THAP3: variants seen among roughly 807,000 people sequenced by gnomAD.
THAP3 encodes THAP domain-containing protein 3.
Under a neutral mutation model 17.7 loss-of-function variants are expected in THAP3, and 12 were observed. The ratio of observed to expected loss-of-function variants is 0.68; its 90% confidence interval spans 0.43 to 1.10. The LOEUF (loss-of-function observed/expected upper bound fraction) is 1.10. THAP3 is among the 50% of genes least tolerant of loss of function. The pLI, the probability that THAP3 is intolerant of heterozygous loss-of-function variation, is 0.00. For missense variants in THAP3, 289 were observed against 318.0 expected (o/e 0.91, Z 0.69); for synonymous variants, 133 against 126.9 (o/e 1.05, Z -0.32).
At chr1:6,629,404 C>G (rs536087468) in intron 3 of THAP3, among the ~76,000 whole-genome samples, 126 of 152,308 alleles carry the variant, frequency 8.3e-4, no homozygotes, top group African/African-American at 2.8e-3. Context: ...CAAACACGCC[C>G]AGAGCGGCCG....
rs35349874 is a variant in THAP3, at chr1:6,632,046, C to CAA, written c.334-327_334-326dup. On this transcript the variant is annotated intron_variant, in intron 4 of 5. Transcript: ENST00000054650. ...TGGGTGACAGAGTTAGATTCCGTCT[C>CAA]AAAAAAAAAAAAAAAAAAATTTAGC... Among the ~76,000 whole-genome samples the CAA allele has an allele frequency of 3.0e-3, 335 of 111,268 alleles. 1 individual carries two copies. The highest frequency in any genetic ancestry group is 5.3e-3 in the African/African-American group (149 of 28,032). The allele number at this position is 111,268 out of a possible 152,430, so 73.0% of individuals were successfully genotyped here.
intron 3 of THAP3, among the ~76,000 whole-genome samples, 167 bp from the exon 4 acceptor site, chr1:6,630,121 C>T (rs149487656): frequency 2.6e-5 from 4 of 152,342 alleles, no homozygotes; most frequent in African/African-American, 7.2e-5. Context: ...GCGCACCAAG[C>T]GGGCAGTGTG....
rs1557459326 is a variant in THAP3, at chr1:6,633,313, T to C, written c.*236T>C. On this transcript the variant is annotated 3_prime_UTR_variant, in exon 6 of 6. Transcript: ENST00000054650. ...ATCTGTGAGCATGACAAGCTTATCC[T>C]CCCATGGTAACAGAAGTCCAGGCTG... 2.3e-5 allele frequency: 32 copies of C among 1,401,624 alleles called. No homozygotes were observed. The South Asian group carries it at 4.4e-4, about 19-fold the overall frequency. The allele number at this position is 1,401,624 out of a possible 1,614,324, so 86.8% of individuals were successfully genotyped here.
rs1641429896 is a variant in THAP3 at position 6,625,232 on chromosome 1, G to T, written c.14G>T (p.Cys5Phe). The T allele has an allele frequency of 2.6e-6, 4 of 1,543,674 alleles. No individual in the cohort carries two copies. The highest frequency in any genetic ancestry group is 5.0e-5 in the East Asian group (2 of 40,248). The change falls in exon 2 of 6, where the codon TGC (cysteine) becomes TTC (phenylalanine). Residue 5 changes from cysteine (C) to phenylalanine (F), a missense_variant. By Grantham distance (205) the Cys-to-Phe change is radical. Transcript: ENST00000054650. Reference sequence around the variant, plus strand: ...GCCTGGCTCGAGATGCCGAAGTCGTGCGCGGCCCGGCAGTGCTGCAACCGC... The same window carrying T: ...GCCTGGCTCGAGATGCCGAAGTCGTTCGCGGCCCGGCAGTGCTGCAACCGC... MPKS[C>F]AARQCCNRYS...
Position 6,625,218 on chromosome 1 carries a change from G to A in THAP3, c.-1G>A. The stretch of plus-strand genomic sequence containing the variant: ...TTGGGGGCAGCCAGGCCTGGCTCGA[G>A]ATGCCGAAGTCGTGCGCGGCCCGGC... On this transcript the variant is annotated 5_prime_UTR_variant, in exon 2 of 6. Transcript: ENST00000054650. The A allele has an allele frequency of 1.9e-6, 3 of 1,542,168 alleles. No individual in the cohort carries two copies. The highest frequency in any genetic ancestry group is 2.6e-6 in the Non-Finnish European group (3 of 1,145,472).
chr1:6,625,398 T>G, intron 2 of THAP3, 106 bp downstream of exon 2: 1 of 1,063,968 alleles, frequency 9.4e-7, no homozygotes, highest in Non-Finnish European at 1.2e-6. Flanking sequence ...GTGCGGCCGC[T>G]GGGCCCGGGG....
In THAP3 at chr1:6,630,277, GTC is replaced by G. The variant is rs1401075685; in HGVS notation, c.268-7_268-6del. 1 of 1,613,964 alleles carries G rather than the reference GTC, an allele frequency of 6.2e-7. No individual in the cohort carries two copies. Among genetic ancestry groups the G allele is most frequent in the Non-Finnish European group, 8.5e-7 (1 of 1,179,816 alleles). ...TGGGGTCTGCATCCACTCTGTGTGT[GTC>G]TCTTGTAGCAGGTGAGGGAGAACAC... is the stretch of plus-strand genomic sequence containing the variant. On this transcript the variant is annotated splice_polypyrimidine_tract_variant and intron_variant, in intron 3 of 5. Transcript: ENST00000054650.
Position 6,632,468 on chromosome 1 carries a change from C to G in THAP3, c.411C>G (p.Pro137=). The G allele has an allele frequency of 6.2e-7, 1 of 1,614,144 alleles. No individual in the cohort carries two copies. Among genetic ancestry groups the G allele is most frequent in the Middle Eastern group, 1.7e-4 (1 of 6,046 alleles). The change falls in exon 5 of 6, where the codon CCC becomes CCG. Residue 137 remains proline, a synonymous_variant. Coordinates refer to ENST00000054650, the MANE Select transcript of THAP3 (RefSeq NM_001195753.2). ...CTGCACTTGAAGAGCTTCAGTTGCC[C>G]CCAAATGCCGAAGGCCACGTAAAAC... is the stretch of plus-strand genomic sequence containing the variant. ...MDTALEELQL[P]PNAEGHVKQV...
At chr1:6,625,372 C>T (rs1429561889) in intron 2 of THAP3, 80 bp downstream of exon 2, 72 of 1,357,352 alleles carry the variant, frequency 5.3e-5, no homozygotes, top group Non-Finnish European at 6.2e-5. Flanking sequence ...GCGCGCCGGG[C>T]GGGAGGCCCA....
chr1:6,625,592 C>G (rs981980294), intron 2 of THAP3, among the ~76,000 whole-genome samples: 30 of 138,772 alleles, frequency 2.2e-4, no homozygotes, highest in African/African-American at 7.2e-4. Context: ...TGTCCCTGGT[C>G]GCTGCAGCCC....
chr1:6,633,985 C>G, downstream of THAP3: 1 of 1,596,740 alleles, frequency 6.3e-7, no homozygotes, highest in Non-Finnish European at 8.6e-7. Context: ...AAGTTCTAGC[C>G]TGATTTCCTA....
intron 2 of THAP3, 190 bp from the exon 3 acceptor site, chr1:6,628,309 T>G: frequency 3.7e-6 from 2 of 541,832 alleles, no homozygotes; most frequent in Non-Finnish European, 6.4e-6. Context: ...TGGTCTCGGG[T>G]TTCCTATTAA....
chr1:6,625,707 G>A (rs575160426), intron 2 of THAP3, among the ~76,000 whole-genome samples: 162 of 151,950 alleles, frequency 1.1e-3, no homozygotes, highest in African/African-American at 3.7e-3. Context: ...GCAGGGTCGC[G>A]GGAGGACGCT....
chr1:6,632,538 G>T (rs938576223), intron 5 of THAP3, 43 bp downstream of exon 5: 2 of 1,611,524 alleles, frequency 1.2e-6, no homozygotes, highest in African/African-American at 1.3e-5. Flanking sequence ...GACACAAGAT[G>T]ACTTGCTCCA....
intron 2 of THAP3, among the ~76,000 whole-genome samples, chr1:6,626,819 T>G (rs962252466): frequency 6.6e-6 from 1 of 152,256 alleles, no homozygotes; most frequent in Non-Finnish European, 1.5e-5. Context: ...ACACTCCATC[T>G]TGGGCAACAG....
chr1:6,628,531 A>AAC lies in THAP3; in HGVS notation c.108_109insCA (p.Trp37HisfsTer4). ...TTCAGCCGCCCGGAGCTGCTGAAGG[A>AAC]ATGGGTGCTGAACATCGGCCGGGGC... On this transcript the variant is annotated frameshift_variant, in exon 3 of 6. Coordinates refer to ENST00000054650, the MANE Select transcript of THAP3 (RefSeq NM_001195753.2). LOFTEE classifies it high-confidence loss of function. The AAC allele has an allele frequency of 6.2e-7, 1 of 1,613,680 alleles. No homozygotes were observed. Among genetic ancestry groups the AAC allele is most frequent in the Non-Finnish European group, 8.5e-7 (1 of 1,179,956 alleles).
At chr1:6,630,408 A>G (rs530023332) in intron 4 of THAP3, 55 bp downstream of exon 4, 4 of 1,584,098 alleles carry the variant, frequency 2.5e-6, no homozygotes, top group African/African-American at 1.3e-5. Flanking sequence ...GGGTTGAGAC[A>G]GGGAGGTGGG....
At chr1:6,629,056 G>GC (rs1413602903) in intron 3 of THAP3, among the ~76,000 whole-genome samples, 1 of 152,214 alleles carries the variant, frequency 6.6e-6, no homozygotes, top group East Asian at 1.9e-4. Context: ...ACAAAAATCA[G>GC]CTGGGTGTGT....
downstream of THAP3, chr1:6,634,194 G>C: frequency 8.9e-7 from 1 of 1,117,900 alleles, no homozygotes. Flanking sequence ...GTTTATTGTG[G>C]TGAGTGCCTT....
Sources: allele counts gnomAD v4.1 joint callset (sites outside exome capture counted in the v4.1 genomes callset), GRCh38; gene constraint gnomAD v4.1.1; transcripts MANE v1.5; gene names NCBI Gene and HGNC (gene_info 2026-07-23, HGNC 2026-07-21).